SSBP2: variants seen among roughly 807,000 people sequenced by gnomAD.
The protein encoded by SSBP2 is single-stranded DNA-binding protein 2.
In SSBP2, 17 loss-of-function variants were observed where a neutral mutation model predicts 61.8. The observed-to-expected ratio is 0.28, with a 90% CI of 0.19 to 0.41. The LOEUF is 0.41. SSBP2 is among the 10% of genes least tolerant of loss of function. The pLI is 1.00. For missense variants in SSBP2, 310 were observed against 458.7 expected (o/e 0.68, Z 2.96); for synonymous variants, 139 against 141.3 (o/e 0.98, Z 0.12).
rs77774614 is a variant in SSBP2 at position 81,729,366 on chromosome 5, G to A, written c.62+21615C>T. On this transcript the variant is annotated intron_variant, in intron 1 of 16. Transcript: ENST00000320672. ...AATTTTCAAGCAATTATAAAACAAT[G>A]TGAAACAGTAAATCCCCTTTGCAGC... Among the ~76,000 whole-genome samples, 646 of 152,232 alleles carry A rather than the reference G, an allele frequency of 4.2e-3. 7 individuals carry two copies. The highest frequency in any genetic ancestry group is 0.014 in the African/African-American group (598 of 41,538).
At chr5:81,583,424 T>C (rs913672964) in intron 4 of SSBP2, among the ~76,000 whole-genome samples, 17 of 152,020 alleles carry the variant, frequency 1.1e-4, no homozygotes, top group Non-Finnish European at 2.4e-4. Context: ...GGTCAGGAGA[T>C]TGAGACCATC....
chr5:81,593,568 A>G (rs1423513018), intron 4 of SSBP2, among the ~76,000 whole-genome samples: 1 of 152,226 alleles, frequency 6.6e-6, no homozygotes, highest in Non-Finnish European at 1.5e-5. Flanking sequence ...AATGAAGGAA[A>G]AAATGTTAAG....
At chr5:81,437,198 A>G (rs1411457314) in intron 15 of SSBP2, among the ~76,000 whole-genome samples, 1 of 151,916 alleles carries the variant, frequency 6.6e-6, no homozygotes, top group Non-Finnish European at 1.5e-5. Context: ...AATGTATAGT[A>G]TGTCCTATTA....
At chr5:81,588,747 G>A (rs771091847) in intron 4 of SSBP2, among the ~76,000 whole-genome samples, 9 of 152,042 alleles carry the variant, frequency 5.9e-5, no homozygotes, top group Admixed American at 1.3e-4. Context: ...AATGAGATAC[G>A]CTTTTTGGAG....
At chr5:81,563,108 C>T (rs1465846765) in intron 4 of SSBP2, among the ~76,000 whole-genome samples, 2 of 152,156 alleles carry the variant, frequency 1.3e-5, no homozygotes, top group Non-Finnish European at 2.9e-5. Context: ...GAAGGTTTCA[C>T]ACTACCTGAT....
chr5:81,492,323 C>A (rs1561464614), intron 5 of SSBP2, among the ~76,000 whole-genome samples: 1 of 151,762 alleles, frequency 6.6e-6, no homozygotes, highest in African/African-American at 2.4e-5. Flanking sequence ...GGCAACATGA[C>A]GAAACCCCAT....
rs1004944603 is a variant in SSBP2, at chr5:81,443,648, C to T, written c.779-925G>A. Among the ~76,000 whole-genome samples the T allele has an allele frequency of 5.9e-5, 9 of 152,234 alleles. No individual in the cohort carries two copies. The East Asian group carries it at 9.7e-4, about 16-fold the overall frequency. On this transcript the variant is annotated intron_variant, in intron 12 of 16. Transcript: ENST00000320672. Reference sequence around the variant, plus strand: ...CACAATCTTGGCTCACTGCAACCTCCGCCTCCCGGGTTCAAGCGATTCTCT... The same window carrying T: ...CACAATCTTGGCTCACTGCAACCTCTGCCTCCCGGGTTCAAGCGATTCTCT...
chr5:81,639,008 T>G (rs932383185), intron 2 of SSBP2, among the ~76,000 whole-genome samples: 12 of 152,182 alleles, frequency 7.9e-5, no homozygotes, highest in African/African-American at 1.4e-4. Context: ...TTTCTGTTTC[T>G]TTTATTGAAT....
intron 5 of SSBP2, among the ~76,000 whole-genome samples, chr5:81,507,061 C>G (rs1228763276): frequency 6.6e-6 from 1 of 151,804 alleles, no homozygotes; most frequent in Non-Finnish European, 1.5e-5. Flanking sequence ...ATTACTATGT[C>G]AAAGCATTAG....
chr5:81,545,659 C>T (rs1771676851), intron 4 of SSBP2, among the ~76,000 whole-genome samples: 2 of 152,096 alleles, frequency 1.3e-5, no homozygotes, highest in Non-Finnish European at 2.9e-5. Context: ...ATACAATGAA[C>T]AAGACACATT....
chr5:81,694,412 G>A (rs1041191167), intron 1 of SSBP2, among the ~76,000 whole-genome samples: 1 of 152,190 alleles, frequency 6.6e-6, no homozygotes, highest in African/African-American at 2.4e-5. Flanking sequence ...TTCTATGCCT[G>A]TGTCACATTA....
Position 81,418,998 on chromosome 5 carries a change from C to G in SSBP2, c.*1506G>C, listed in dbSNP as rs530592314. 6.6e-6 allele frequency: 1 copy of G among 152,250 alleles called. No individual in the cohort carries two copies. Among genetic ancestry groups the G allele is most frequent in the African/African-American group, 2.4e-5 (1 of 41,552 alleles). 9.4% of individuals were successfully genotyped at this position (152,250 alleles called of 1,614,324 possible). On this transcript the variant is annotated 3_prime_UTR_variant, in exon 17 of 17. Coordinates refer to ENST00000320672, the MANE Select transcript of SSBP2 (RefSeq NM_012446.5). ...ATGGTTGTTTGTATCACAATTTTAA[C>G]ACAAAGGATCACCCAGTTATCTTTC...
chr5:81,542,906 G>A (rs907721658), intron 4 of SSBP2, among the ~76,000 whole-genome samples: 15 of 149,756 alleles, frequency 1.0e-4, no homozygotes, highest in Non-Finnish European at 2.1e-4. Flanking sequence ...CCAGGCTGGA[G>A]TGCACTGGCA....
chr5:81,715,423 G>C (rs910416842), intron 1 of SSBP2, among the ~76,000 whole-genome samples: 5 of 152,200 alleles, frequency 3.3e-5, no homozygotes, highest in African/African-American at 1.2e-4. Context: ...TAAACAACCA[G>C]TGTAGATTAG....
intron 4 of SSBP2, among the ~76,000 whole-genome samples, chr5:81,544,255 G>A (rs888068994): frequency 6.6e-6 from 1 of 152,040 alleles, no homozygotes; most frequent in Non-Finnish European, 1.5e-5. Flanking sequence ...CACCATCTTG[G>A]CCAGGCTGGT....
chr5:81,710,614 C>T, intron 1 of SSBP2: 1 of 439,022 alleles, frequency 2.3e-6, no homozygotes, highest in Non-Finnish European at 4.5e-6. Context: ...TTATTCTTAA[C>T]TGACAAGCAC....
At chr5:81,664,773 GTTTTC>G (rs1289544827) in intron 1 of SSBP2, among the ~76,000 whole-genome samples, 1 of 152,096 alleles carries the variant, frequency 6.6e-6, no homozygotes, top group Non-Finnish European at 1.5e-5. Context: ...GATTTTTGGT[GTTTTC>G]TTTGTTGTGT....
At chr5:81,430,147 TTAAA>T in intron 15 of SSBP2, among the ~76,000 whole-genome samples, 1 of 152,244 alleles carries the variant, frequency 6.6e-6, no homozygotes, top group African/African-American at 2.4e-5. Context: ...AGTTATTAGG[TTAAA>T]TAAACTGTAC....
intron 1 of SSBP2, among the ~76,000 whole-genome samples, chr5:81,725,899 T>C (rs1341244274): frequency 6.6e-6 from 1 of 152,142 alleles, no homozygotes. Flanking sequence ...GGTGGGTTGA[T>C]ACTTTCTCTA....
Sources: allele counts gnomAD v4.1 joint callset (sites outside exome capture counted in the v4.1 genomes callset), GRCh38; gene constraint gnomAD v4.1.1; transcripts MANE v1.5; gene names NCBI Gene and HGNC (gene_info 2026-07-23, HGNC 2026-07-21).